GKAP1: variants seen among roughly 807,000 people sequenced by gnomAD.
The protein encoded by GKAP1 is G kinase anchoring protein 1.
GKAP1 carries 31 observed loss-of-function variants against 56.7 expected under a neutral mutation model. The ratio of observed to expected loss-of-function variants is 0.55; its 90% confidence interval spans 0.41 to 0.74. GKAP1 has a LOEUF of 0.74. GKAP1 is among the 30% of genes least tolerant of loss of function. The pLI is 0.00. For synonymous variants in GKAP1, 151 were observed against 138.6 expected, an observed-to-expected ratio of 1.09 and a Z score of -0.63; for missense variants, 364 against 402.3, an observed-to-expected ratio of 0.90 and a Z score of 0.82.
At position 83,784,676 on chromosome 9, in the gene GKAP1, A is replaced by T. The variant is rs376470215; in HGVS notation, c.562+39T>A. 5 of 1,415,848 alleles carry T rather than the reference A, an allele frequency of 3.5e-6. No homozygotes were observed. The African/African-American group carries it at 7.3e-5, about 21-fold the overall frequency. 87.7% of individuals were successfully genotyped at this position (1,415,848 alleles called of 1,614,324 possible). ...CAACTGAAGTATAAAACAGATGTAG[A>T]ATAGTTCTTTTAGCATAATAGCATT... On this transcript the variant is annotated intron_variant, in intron 6 of 12. Coordinates refer to ENST00000376371, the MANE Select transcript of GKAP1 (RefSeq NM_025211.4).
intron 12 of GKAP1, 122 bp from the exon 13 acceptor site, chr9:83,739,866 T>C: frequency 1.4e-6 from 1 of 693,044 alleles, no homozygotes; most frequent in Non-Finnish European, 2.4e-6. Context: ...TCTTTTTTGA[T>C]TTTGTTGTAA....
At chr9:83,805,496 A>C (rs1177816339) in intron 3 of GKAP1, among the ~76,000 whole-genome samples, 1 of 152,168 alleles carries the variant, frequency 6.6e-6, no homozygotes, top group Non-Finnish European at 1.5e-5. Flanking sequence ...AAAACCATGT[A>C]ATTAAATATT....
intron 2 of GKAP1, among the ~76,000 whole-genome samples, chr9:83,808,672 A>C (rs1341406942): frequency 6.6e-6 from 1 of 152,228 alleles, no homozygotes; most frequent in Non-Finnish European, 1.5e-5. Flanking sequence ...TAGTTGTTCA[A>C]CTATCATTAA....
Position 83,784,704 on chromosome 9 carries a change from A to G in GKAP1, c.562+11T>C. The G allele has an allele frequency of 6.4e-7, 1 of 1,564,404 alleles. No homozygotes were observed. Among genetic ancestry groups the G allele is most frequent in the Non-Finnish European group, 8.7e-7 (1 of 1,152,246 alleles). ...AGTTCTTTTAGCATAATAGCATTGTATATACATTACCTTCCGAATGAAAAT... is the reference window on the plus strand; with the variant it reads ...AGTTCTTTTAGCATAATAGCATTGTGTATACATTACCTTCCGAATGAAAAT... On this transcript the variant is annotated intron_variant, in intron 6 of 12. Transcript: ENST00000376371.
At chr9:83,777,311 T>C (rs1447665966) in intron 7 of GKAP1, among the ~76,000 whole-genome samples, 2 of 152,254 alleles carry the variant, frequency 1.3e-5, no homozygotes, top group East Asian at 3.9e-4. Flanking sequence ...CAGATAAAAT[T>C]GGGACTAGAG....
At chr9:83,814,523 C>A (rs1261797481) in intron 2 of GKAP1, among the ~76,000 whole-genome samples, 3 of 152,140 alleles carry the variant, frequency 2.0e-5, no homozygotes, top group Admixed American at 6.5e-5. Flanking sequence ...CAAAAAAATT[C>A]TCTTTATTGT....
At chr9:83,808,191 C>T (rs925524556) in intron 2 of GKAP1, among the ~76,000 whole-genome samples, 7 of 152,032 alleles carry the variant, frequency 4.6e-5, no homozygotes, top group African/African-American at 1.7e-4. Flanking sequence ...AGCATGAGAA[C>T]GAATGCTTCA....
chr9:83,739,705 A>G lies in GKAP1; in HGVS notation c.1093T>C (p.Cys365Arg). The G allele has an allele frequency of 6.2e-7, 1 of 1,609,714 alleles. No individual in the cohort carries two copies. The highest frequency in any genetic ancestry group is 1.1e-5 in the South Asian group (1 of 90,298). ...TTCAAAGGCTAATGTAATCACCTAC[A>G]CTGGTCGGATTCAGAGTTTCTTTTC... is the stretch of plus-strand genomic sequence containing the variant. ...KGKRNSESDQCR is the reference protein window; with the variant it reads ...KGKRNSESDQRR The change falls in exon 13 of 13, where the codon TGT becomes CGT. Residue 365 changes from cysteine (C) to arginine (R), a missense_variant. Transcript: ENST00000376371.
rs11140248 is a variant in GKAP1, at chr9:83,782,104, A to G, written c.563-1700T>C. Among the ~76,000 whole-genome samples the G allele has an allele frequency of 7.9e-3, 1,201 of 151,308 alleles. 30 individuals carry two copies. Among genetic ancestry groups the G allele is most frequent in the East Asian group, 0.037 (188 of 5,136 alleles). On this transcript the variant is annotated intron_variant, in intron 6 of 12. Transcript: ENST00000376371. ...TGATCCGCCCACCTCGGCCTCCCAA[A>G]GTGCTGGGATTACAGGCGTGAGCCA...
chr9:83,756,214 T>G (rs1479587920), intron 8 of GKAP1, among the ~76,000 whole-genome samples: 1 of 151,846 alleles, frequency 6.6e-6, no homozygotes, highest in Non-Finnish European at 1.5e-5. Context: ...CAGTGGCTCA[T>G]GCCTATAATC....
chr9:83,788,509 C>T (rs755874465), intron 5 of GKAP1, 92 bp downstream of exon 5: 8 of 687,240 alleles, frequency 1.2e-5, no homozygotes, highest in Non-Finnish European at 1.9e-5. Context: ...CAAACTTTTA[C>T]AGAAAAATTT....
intron 6 of GKAP1, among the ~76,000 whole-genome samples, chr9:83,784,003 G>A (rs888052352): frequency 7.3e-5 from 11 of 149,752 alleles, no homozygotes; most frequent in Non-Finnish European, 1.2e-4. Context: ...GGTGGCTCAC[G>A]CCTGTAATCC....
At chr9:83,755,296 G>C (rs1382429673) in intron 8 of GKAP1, among the ~76,000 whole-genome samples, 2 of 152,092 alleles carry the variant, frequency 1.3e-5, no homozygotes, top group Non-Finnish European at 2.9e-5. Flanking sequence ...TGAAAACTAA[G>C]TCACTAAAAA....
chr9:83,769,774 T>C (rs886733687), intron 7 of GKAP1, among the ~76,000 whole-genome samples: 1 of 152,234 alleles, frequency 6.6e-6, no homozygotes, highest in Non-Finnish European at 1.5e-5. Context: ...GTTTAACCTT[T>C]TGAGGTATCG....
At chr9:83,757,734 G>C (rs1038308830) in intron 8 of GKAP1, among the ~76,000 whole-genome samples, 3 of 152,018 alleles carry the variant, frequency 2.0e-5, no homozygotes, top group Non-Finnish European at 4.4e-5. Flanking sequence ...ATGCCAGTAA[G>C]AGATAATGAG....
rs748708278 is a variant in GKAP1, at chr9:83,784,709, C to A, written c.562+6G>T. On this transcript the variant is annotated splice_donor_region_variant and intron_variant, in intron 6 of 12. Coordinates refer to ENST00000376371, the MANE Select transcript of GKAP1 (RefSeq NM_025211.4). ...TTTTAGCATAATAGCATTGTATATA[C>A]ATTACCTTCCGAATGAAAATCTTTT... 3 of 1,577,694 alleles carry A rather than the reference C, an allele frequency of 1.9e-6. No individual in the cohort carries two copies. The highest frequency in any genetic ancestry group is 2.6e-6 in the Non-Finnish European group (3 of 1,160,152).
At position 83,817,075 on chromosome 9, in the gene GKAP1, A is replaced by T. The variant is rs896700962; in HGVS notation, c.-123T>A. 5 of 152,296 alleles carry T rather than the reference A, an allele frequency of 3.3e-5. No homozygotes were observed. The highest frequency in any genetic ancestry group is 1.2e-4 in the African/African-American group (5 of 41,582). 9.4% of individuals were successfully genotyped at this position (152,296 alleles called of 1,614,324 possible). On this transcript the variant is annotated 5_prime_UTR_variant, in exon 2 of 13. Coordinates refer to ENST00000376371, the MANE Select transcript of GKAP1 (RefSeq NM_025211.4). ...AAACTTATTCGCAAAGTACATAGAGAAAGAAATTGCGCTGGGCGAAACCTA... is the reference window on the plus strand; with the variant it reads ...AAACTTATTCGCAAAGTACATAGAGTAAGAAATTGCGCTGGGCGAAACCTA...
intron 8 of GKAP1, among the ~76,000 whole-genome samples, chr9:83,767,248 A>C (rs1233339310): frequency 6.6e-6 from 1 of 152,210 alleles, no homozygotes; most frequent in African/African-American, 2.4e-5. Flanking sequence ...TTTCTCCCTC[A>C]GATAATATAT....
intron 3 of GKAP1, among the ~76,000 whole-genome samples, chr9:83,804,761 G>A: frequency 6.7e-6 from 1 of 148,954 alleles, no homozygotes; most frequent in East Asian, 2.1e-4. Flanking sequence ...CCGTCCGGGA[G>A]GTGAGGGGCG....
Sources: allele counts gnomAD v4.1 joint callset (sites outside exome capture counted in the v4.1 genomes callset), GRCh38; gene constraint gnomAD v4.1.1; transcripts MANE v1.5; gene names NCBI Gene and HGNC (gene_info 2026-07-23, HGNC 2026-07-21).